ANO4: variants seen among roughly 807,000 people sequenced by gnomAD.
The protein encoded by ANO4 is anoctamin-4.
In ANO4, 69 loss-of-function variants were observed where a neutral mutation model predicts 141.9. That is an observed-to-expected ratio of 0.49 (90% CI 0.40 to 0.59). ANO4 has a LOEUF of 0.59. Ranked by LOEUF, ANO4 falls within the 20% of genes least tolerant of loss-of-function variation. The pLI is 0.00. For missense variants in ANO4, 894 were observed against 1,162.2 expected, an observed-to-expected ratio of 0.77 and a Z score of 3.36; for synonymous variants, 350 against 394.3, an observed-to-expected ratio of 0.89 and a Z score of 1.33.
intron 7 of ANO4, among the ~76,000 whole-genome samples, chr12:100,976,180 A>T (rs965775490): frequency 1.3e-5 from 2 of 152,154 alleles, no homozygotes; most frequent in African/African-American, 4.8e-5. Flanking sequence ...AAACTAGTAA[A>T]TTTCTCTGAA....
intron 2 of ANO4, among the ~76,000 whole-genome samples, chr12:100,738,579 AATCTT>A (rs2031709585): frequency 6.6e-6 from 1 of 152,130 alleles, no homozygotes; most frequent in South Asian, 2.1e-4. Context: ...TAAAACCTGA[AATCTT>A]AGAGAGTCCA....
At chr12:100,723,330 CCTGT>C (rs2030952184) in intron 1 of ANO4, among the ~76,000 whole-genome samples, 1 of 152,008 alleles carries the variant, frequency 6.6e-6, no homozygotes, top group African/African-American at 2.4e-5. Context: ...GCTGGAAGTC[CCTGT>C]TGGAGGTGGT....
intron 3 of ANO4, among the ~76,000 whole-genome samples, chr12:100,939,030 G>A (rs912385843): frequency 3.9e-5 from 6 of 152,160 alleles, no homozygotes; most frequent in African/African-American, 1.4e-4. Context: ...GAAGGAAAGC[G>A]AAACAAATAT....
At chr12:101,080,883 T>TATTTTA (rs1491584060) in intron 15 of ANO4, among the ~76,000 whole-genome samples, 20 of 74,072 alleles carry the variant, frequency 2.7e-4, no homozygotes, top group African/African-American at 7.4e-4. Context: ...TATATATATA[T>TATTTTA]TATATATATA....
At chr12:101,121,815 T>G (rs1244782202) in intron 26 of ANO4, among the ~76,000 whole-genome samples, 2 of 142,686 alleles carry the variant, frequency 1.4e-5, no homozygotes, top group Non-Finnish European at 3.0e-5. Context: ...CAGGCTGGAG[T>G]GCAATGGCAC....
rs147545132 is a variant in ANO4 at position 100,938,610 on chromosome 12, G to A, written c.161-705G>A. 1.4e-4 allele frequency among the ~76,000 whole-genome samples: 21 copies of A among 152,270 alleles called. No homozygotes were observed. The East Asian group carries it at 3.5e-3, about 25-fold the overall frequency. On this transcript the variant is annotated intron_variant, in intron 3 of 27. Transcript: ENST00000392977. ...CTGGTGATGAACTTAAATTTCTGGC[G>A]TGCTGTAAGGCACTCTGCATTTGAA...
chr12:100,733,869 T>A, intron 2 of ANO4: 1 of 688,262 alleles, frequency 1.5e-6, no homozygotes, highest in South Asian at 1.6e-5. Context: ...TGAGCACTAG[T>A]GTCATTTTGA....
intron 9 of ANO4, among the ~76,000 whole-genome samples, chr12:101,023,794 C>T (rs1424484856): frequency 1.3e-5 from 2 of 152,142 alleles, no homozygotes. Context: ...AAACATGGAG[C>T]AAAACTACTA....
At chr12:100,912,739 C>T (rs371617548) in intron 2 of ANO4, among the ~76,000 whole-genome samples, 2 of 151,998 alleles carry the variant, frequency 1.3e-5, no homozygotes, top group African/African-American at 4.8e-5. Flanking sequence ...AGAACTGAAG[C>T]GTGGATGAGA....
At chr12:101,035,164 AATAG>A (rs1472187663) in intron 9 of ANO4, among the ~76,000 whole-genome samples, 1 of 152,228 alleles carries the variant, frequency 6.6e-6, no homozygotes, top group Non-Finnish European at 1.5e-5. Context: ...TCATCAGGAG[AATAG>A]ATAAACAAAT....
intron 1 of ANO4, among the ~76,000 whole-genome samples, chr12:100,836,575 A>G (rs996044817): frequency 1.5e-4 from 22 of 149,908 alleles, no homozygotes; most frequent in Admixed American, 3.4e-4. Flanking sequence ...GAGAAGCCAC[A>G]AACTATCATA....
chr12:100,827,327 C>T (rs2036404113), intron 1 of ANO4, among the ~76,000 whole-genome samples: 1 of 151,982 alleles, frequency 6.6e-6, no homozygotes, highest in Non-Finnish European at 1.5e-5. Flanking sequence ...ATATGCATAG[C>T]TAATGTCCTT....
intron 3 of ANO4, among the ~76,000 whole-genome samples, chr12:100,751,901 C>T (rs530397810): frequency 6.6e-6 from 1 of 152,246 alleles, no homozygotes; most frequent in Non-Finnish European, 1.5e-5. Flanking sequence ...TGAGAGAGAT[C>T]TCAAGGATGT....
intron 8 of ANO4, among the ~76,000 whole-genome samples, chr12:100,993,487 C>G (rs946099515): frequency 2.0e-5 from 3 of 151,908 alleles, no homozygotes; most frequent in African/African-American, 4.8e-5. Context: ...GGTCGTACAC[C>G]TAGGCGAGGC....
chr12:100,870,910 T>C lies in ANO4; in HGVS notation c.-140-30736T>C, dbSNP rs185715556. On this transcript the variant is annotated intron_variant, in intron 1 of 27. Coordinates refer to ENST00000392977, the MANE Select transcript of ANO4 (RefSeq NM_001286615.2). ...CACAGTGATATTTTTTCAGGTATTA[T>C]TGAGATGTGTCCTTATTTATCTGGA... is the stretch of plus-strand genomic sequence containing the variant. 3.2e-3 allele frequency among the ~76,000 whole-genome samples: 495 copies of C among 152,322 alleles called. 3 individuals carry two copies. The highest frequency in any genetic ancestry group is 0.012 in the African/African-American group (483 of 41,576).
chr12:101,067,589 A>G (rs2048644511), intron 14 of ANO4, among the ~76,000 whole-genome samples: 1 of 152,208 alleles, frequency 6.6e-6, no homozygotes, highest in Non-Finnish European at 1.5e-5. Context: ...AGGCTGAGGC[A>G]TGAGAATCAC....
At chr12:101,099,301 T>C (rs573409078) in intron 21 of ANO4, among the ~76,000 whole-genome samples, 2 of 152,322 alleles carry the variant, frequency 1.3e-5, no homozygotes, top group South Asian at 4.1e-4. Flanking sequence ...ATAGATATTC[T>C]CAGTCCTCTA....
Position 101,039,819 on chromosome 12 carries a change from C to G in ANO4, c.898-136C>G, listed in dbSNP as rs1666558172. 7 of 974,152 alleles carry G rather than the reference C, an allele frequency of 7.2e-6. No homozygotes were observed. The South Asian group carries it at 1.3e-4, about 18-fold the overall frequency. 60.3% of individuals were successfully genotyped at this position (974,152 alleles called of 1,614,324 possible). On this transcript the variant is annotated intron_variant, in intron 10 of 27. Coordinates refer to ENST00000392977, the MANE Select transcript of ANO4 (RefSeq NM_001286615.2). The stretch of plus-strand genomic sequence containing the variant: ...AGAATAACTCATCAAACTGCCTGCC[C>G]TTTAATAGAGAGGATTCATTTCTTT...
intron 8 of ANO4, among the ~76,000 whole-genome samples, chr12:101,018,753 C>T (rs1031132889): frequency 9.9e-5 from 15 of 152,164 alleles, no homozygotes; most frequent in Admixed American, 9.2e-4. Flanking sequence ...TGAATGAGCT[C>T]ATGGTCTTAC....
Sources: gnomAD v4.1 joint callset for allele counts (sites outside exome capture counted in the v4.1 genomes callset) on GRCh38, gnomAD v4.1.1 for gene constraint, MANE v1.5 for transcripts, NCBI Gene and HGNC (gene_info 2026-07-23, HGNC 2026-07-21) for gene names.